PCLO: variants seen among roughly 807,000 people sequenced by gnomAD.
PCLO encodes the protein piccolo presynaptic cytomatrix protein.
PCLO carries 82 observed loss-of-function variants against 427.5 expected under a neutral mutation model. That is an observed-to-expected ratio of 0.19 (90% confidence interval 0.16 to 0.23). The LOEUF (loss-of-function observed/expected upper bound fraction) is 0.23, where lower values mean the gene tolerates loss of function less well. Ranked by LOEUF, PCLO falls within the 10% of genes least tolerant of loss-of-function variation. PCLO has a pLI of 1.00. For synonymous variants in PCLO, 2,357 were observed against 2,155.4 expected (o/e 1.09, Z -2.59); for missense variants, 6,239 against 6,115.9 (o/e 1.02, Z -0.67).
rs552133659 is a variant in PCLO at position 82,989,783 on chromosome 7, C to G, written c.3301-23296G>C. 2.6e-5 allele frequency among the ~76,000 whole-genome samples: 4 copies of G among 152,138 alleles called. No individual in the cohort carries two copies. The South Asian group carries it at 8.3e-4, about 32-fold the overall frequency. On this transcript the variant is annotated intron_variant, in intron 3 of 24. Transcript: ENST00000333891. ...TTTCCCTTCTCCTTTCCCTTTATTT[C>G]TATCAGACAGTTTATTCCGTGTTGA...
At chr7:82,817,616 G>C (rs1003486271) in intron 20 of PCLO, among the ~76,000 whole-genome samples, 5 of 152,118 alleles carry the variant, frequency 3.3e-5, no homozygotes, top group African/African-American at 1.2e-4. Flanking sequence ...GCAACACATG[G>C]ATATGAAACT....
At chr7:82,971,802 T>TA (rs987772319) in intron 3 of PCLO, among the ~76,000 whole-genome samples, 1 of 150,520 alleles carries the variant, frequency 6.6e-6, no homozygotes, top group African/African-American at 2.4e-5. Flanking sequence ...GTTTACTACA[T>TA]AAAAAATTAC....
intron 3 of PCLO, among the ~76,000 whole-genome samples, chr7:83,065,485 G>C (rs1169542020): frequency 2.1e-5 from 3 of 139,636 alleles, no homozygotes; most frequent in Non-Finnish European, 4.6e-5. Context: ...TTCCAAAAAT[G>C]CAGCTCAAAA....
intron 22 of PCLO, among the ~76,000 whole-genome samples, chr7:82,794,474 T>C (rs1298627584): frequency 3.9e-5 from 4 of 103,198 alleles, no homozygotes; most frequent in African/African-American, 1.2e-4. Flanking sequence ...TTTTTTTTTT[T>C]TTTTTTTTTT....
intron 22 of PCLO, among the ~76,000 whole-genome samples, chr7:82,771,087 A>G (rs1295651790): frequency 1.3e-5 from 2 of 151,882 alleles, no homozygotes; most frequent in Admixed American, 6.6e-5. Context: ...ATTTTATTCT[A>G]TAGTAGGTTA....
intron 8 of PCLO, among the ~76,000 whole-genome samples, chr7:82,903,927 A>C (rs975547149): frequency 6.6e-6 from 1 of 151,898 alleles, no homozygotes; most frequent in African/African-American, 2.4e-5. Context: ...GGATATTAAA[A>C]ACAAAACAGG....
In PCLO at chr7:82,953,751, A is replaced by G. The variant is rs1380462277; in HGVS notation, c.7202T>C (p.Ile2401Thr). 1 of 1,545,890 alleles carries G rather than the reference A, an allele frequency of 6.5e-7. No homozygotes were observed. Among genetic ancestry groups the G allele is most frequent in the African/African-American group, 1.4e-5 (1 of 72,208 alleles). ...RPFFRSSSLD[I>T]SAQPPPPPPP... ...AGGAGGGGGAGGAGGTTGAGCTGAT[A>G]TATCCAAAGAAGAACTTCTAAAGAA... Residue 2401 changes from isoleucine to threonine, a missense_variant, in exon 5 of 25, where the codon ATA becomes ACA. This residue lies in a region of PCLO where 4,677 missense variants were observed against 4,468.4 expected (regional missense o/e 1.05). Coordinates refer to ENST00000333891, the MANE Select transcript of PCLO (RefSeq NM_033026.6).
rs1223216036 is a variant in PCLO, at chr7:83,156,298, T to C, written c.343A>G (p.Thr115Ala). 6.2e-7 allele frequency: 1 copy of C among 1,613,622 alleles called. No homozygotes were observed. Among genetic ancestry groups the C allele is most frequent in the Non-Finnish European group, 8.5e-7 (1 of 1,179,688 alleles). Reference sequence around the variant, plus strand: ...TGCTCTGACCTGAAAGTGTCTGTAGTTCTACTTTTACTGAGACCAGGTTGA... The same window carrying C: ...TGCTCTGACCTGAAAGTGTCTGTAGCTCTACTTTTACTGAGACCAGGTTGA... ...PAQPGLSKSR[T>A]TDTFRSEQKL... The change falls in exon 2 of 25, where the codon ACT (threonine) becomes GCT (alanine). Residue 115 changes from threonine to alanine, a missense_variant. By Grantham distance (58) the Thr-to-Ala change is moderately conservative (BLOSUM62 0). Transcript: ENST00000333891.
At chr7:83,127,347 T>G (rs988354603) in intron 3 of PCLO, among the ~76,000 whole-genome samples, 4 of 41,190 alleles carry the variant, frequency 9.7e-5, no homozygotes, top group Admixed American at 2.1e-4. Flanking sequence ...CCCAATAAAG[T>G]TTTAAAAATG....
At chr7:82,826,732 G>T in intron 17 of PCLO, 72 bp from the exon 18 acceptor site, 1 of 865,992 alleles carries the variant, frequency 1.2e-6, no homozygotes, top group Non-Finnish European at 1.7e-6. Context: ...ACATACAGTA[G>T]ACATATTTAT....
chr7:83,101,530 A>T (rs1024889819), intron 3 of PCLO, among the ~76,000 whole-genome samples: 1 of 152,130 alleles, frequency 6.6e-6, no homozygotes, highest in African/African-American at 2.4e-5. Context: ...AAAATAAACT[A>T]AGTATTTTTA....
intron 10 of PCLO, among the ~76,000 whole-genome samples, chr7:82,856,399 C>T (rs911683042): frequency 9.9e-5 from 15 of 152,124 alleles, no homozygotes; most frequent in Non-Finnish European, 1.5e-5. Context: ...GATTTCTAAT[C>T]ACCGTGACCA....
At chr7:83,017,013 A>C (rs2116031620) in intron 3 of PCLO, among the ~76,000 whole-genome samples, 1 of 152,246 alleles carries the variant, frequency 6.6e-6, no homozygotes, top group East Asian at 1.9e-4. Flanking sequence ...CTTTGTGAAT[A>C]AATTATGGCT....
chr7:82,964,297 G>A (rs1281422475), intron 4 of PCLO, among the ~76,000 whole-genome samples: 3 of 152,084 alleles, frequency 2.0e-5, no homozygotes, highest in African/African-American at 4.8e-5. Flanking sequence ...ACAGGTGCTT[G>A]ATGGTGAAAC....
In PCLO at chr7:82,954,358, G is replaced by C. The variant is rs1269931220; in HGVS notation, c.6595C>G (p.Pro2199Ala). Residue 2199 changes from proline (P) to alanine (A), a missense_variant, in exon 5 of 25, where the codon CCC becomes GCC. By Grantham distance (27) the Pro-to-Ala change is conservative (BLOSUM62 -1). Coordinates refer to ENST00000333891, the MANE Select transcript of PCLO (RefSeq NM_033026.6). ...GTTATGCTATCCAGGGTAGTAATGGGTGAAGAGCTATCTGTGGTACAGACC... is the reference window on the plus strand; with the variant it reads ...GTTATGCTATCCAGGGTAGTAATGGCTGAAGAGCTATCTGTGGTACAGACC... ...SSVCTTDSSS[P>A]ITTLDSITTV... 3.1e-6 allele frequency: 5 copies of C among 1,613,898 alleles called. No individual in the cohort carries two copies. The highest frequency in any genetic ancestry group is 4.2e-6 in the Non-Finnish European group (5 of 1,179,836).
intron 10 of PCLO, among the ~76,000 whole-genome samples, chr7:82,866,690 ACACACACC>A (rs1450801846): frequency 2.0e-5 from 3 of 147,842 alleles, no homozygotes; most frequent in Admixed American, 6.7e-5. Context: ...ACACACACAC[ACACACACC>A]CCTTTAATAT....
chr7:82,791,255 AAT>A (rs35693791), intron 22 of PCLO, among the ~76,000 whole-genome samples: 50,905 of 151,918 alleles, frequency 0.34, 8,896 homozygotes, highest in African/African-American at 0.38. Flanking sequence ...AATTAGAATG[AAT>A]ATAAATAATC....
At chr7:82,875,602 A>T (rs1793350512) in intron 10 of PCLO, among the ~76,000 whole-genome samples, 1 of 152,094 alleles carries the variant, frequency 6.6e-6, no homozygotes, top group Non-Finnish European at 1.5e-5. Flanking sequence ...AAGGAATTTG[A>T]AAATACTCCT....
chr7:83,038,874 C>T (rs1409513418), intron 3 of PCLO, among the ~76,000 whole-genome samples: 1 of 152,020 alleles, frequency 6.6e-6, no homozygotes, highest in Non-Finnish European at 1.5e-5. Context: ...TTTGATTTCT[C>T]TAGATCCTCA....
Sources: allele counts gnomAD v4.1 joint callset (sites outside exome capture counted in the v4.1 genomes callset), GRCh38; gene constraint gnomAD v4.1.1; regional missense constraint gnomAD v4.1.1; transcripts MANE v1.5; gene names NCBI Gene and HGNC (gene_info 2026-07-23, HGNC 2026-07-21).